The following SORCS1 variants were observed in gnomAD, a reference collection of about 807,000 sequenced individuals.
SORCS1 encodes VPS10 domain-containing receptor SorCS1.
A neutral mutation model predicts 146.1 loss-of-function variants in SORCS1; 60 were observed. The observed-to-expected ratio is 0.41, with a 90% CI of 0.33 to 0.51. SORCS1 has a LOEUF of 0.51. Among genes scored for constraint, SORCS1 ranks in the 20% least tolerant of loss-of-function variants. The pLI, the probability that SORCS1 is intolerant of heterozygous loss-of-function variation, is 0.21. For missense variants in SORCS1, 1,352 were observed against 1,487.6 expected (o/e 0.91, Z 1.50); for synonymous variants, 637 against 584.0 (o/e 1.09, Z -1.31).
intron 17 of SORCS1, among the ~76,000 whole-genome samples, chr10:106,666,650 G>C (rs1363787661): frequency 6.6e-6 from 1 of 150,996 alleles, no homozygotes; most frequent in Admixed American, 6.6e-5. Flanking sequence ...TCTGCCTCCT[G>C]GGTTCAAGTG....
chr10:106,967,498 A>T (rs1281020456), intron 1 of SORCS1, among the ~76,000 whole-genome samples: 1 of 152,198 alleles, frequency 6.6e-6, no homozygotes, highest in Non-Finnish European at 1.5e-5. Context: ...TCAAGACAAG[A>T]TCTTTCTACA....
intron 1 of SORCS1, among the ~76,000 whole-genome samples, chr10:107,000,126 C>T (rs1564909046): frequency 6.6e-6 from 1 of 152,138 alleles, no homozygotes; most frequent in Non-Finnish European, 1.5e-5. Flanking sequence ...ATTAAGTCCG[C>T]AGAATTAACA....
chr10:106,845,943 T>G (rs1353199264), intron 2 of SORCS1, among the ~76,000 whole-genome samples: 1 of 127,152 alleles, frequency 7.9e-6, no homozygotes, highest in Non-Finnish European at 1.8e-5. Context: ...TTGATCTATA[T>G]CTCTGTTTTG....
At position 107,102,802 on chromosome 10, in the gene SORCS1, T is replaced by C. The variant is rs547036331; in HGVS notation, c.558+61167A>G. Among the ~76,000 whole-genome samples, 4 of 152,306 alleles carry C rather than the reference T, an allele frequency of 2.6e-5. No homozygotes were observed. In the East Asian group the frequency reaches 7.7e-4, roughly 29 times the overall value. ...ATTTTAAAGAGTATATAGTATAACA[T>C]ATTATAAAATATAATGTAAAAATCT... On this transcript the variant is annotated intron_variant, in intron 1 of 25. Transcript: ENST00000263054.
At chr10:107,142,454 C>T (rs116048918) in intron 1 of SORCS1, among the ~76,000 whole-genome samples, 2,020 of 152,314 alleles carry the variant, frequency 0.013, 41 homozygotes, top group African/African-American at 0.046. Context: ...GTGAGAAAGG[C>T]ACTGTGTTAG....
intron 24 of SORCS1, among the ~76,000 whole-genome samples, chr10:106,592,416 G>A (rs955600594): frequency 1.3e-5 from 2 of 152,300 alleles, no homozygotes; most frequent in Middle Eastern, 6.8e-3. Context: ...AAAGCAAACA[G>A]GGAAGTGAAT....
chr10:107,064,269 G>T (rs920394148), intron 1 of SORCS1, among the ~76,000 whole-genome samples: 6 of 152,162 alleles, frequency 3.9e-5, no homozygotes, highest in African/African-American at 1.4e-4. Context: ...AGGGACATTA[G>T]AAATGATTTA....
intron 1 of SORCS1, among the ~76,000 whole-genome samples, chr10:106,984,618 C>A (rs1217756521): frequency 6.6e-6 from 1 of 151,776 alleles, no homozygotes; most frequent in Non-Finnish European, 1.5e-5. Flanking sequence ...TGGTCTTTAT[C>A]TCCTGACCTC....
intron 1 of SORCS1, among the ~76,000 whole-genome samples, chr10:107,103,604 G>A (rs1965099600): frequency 6.6e-6 from 1 of 152,208 alleles, no homozygotes; most frequent in African/African-American, 2.4e-5. Flanking sequence ...AATATGCTCA[G>A]TGGGAGAAAT....
Position 106,672,920 on chromosome 10 carries a change from A to G in SORCS1, c.2006T>C (p.Phe669Ser). The G allele has an allele frequency of 6.2e-7, 1 of 1,614,164 alleles. No individual in the cohort carries two copies. Among genetic ancestry groups the G allele is most frequent in the South Asian group, 1.1e-5 (1 of 91,084 alleles). Reference sequence around the variant, plus strand: ...GTCCTCTTCGGCACACCGTCTATCAAAAATGGACTTGTAATCTACTTTGAC... The same window carrying G: ...GTCCTCTTCGGCACACCGTCTATCAGAAATGGACTTGTAATCTACTTTGAC... ...QLVKVDYKSIFDRRCAEEDYR... is the reference protein window; with the variant it reads ...QLVKVDYKSISDRRCAEEDYR... Residue 669 changes from phenylalanine to serine, a missense_variant, in exon 15 of 26, where the codon TTT (phenylalanine) becomes TCT (serine). By Grantham distance (155) the Phe-to-Ser change is radical (BLOSUM62 -2). Around this residue, in one of 3 missense-constraint regions of SORCS1, gnomAD observed 648 missense variants for 793.8 expected, o/e 0.82. Transcript: ENST00000263054.
intron 5 of SORCS1, among the ~76,000 whole-genome samples, chr10:106,750,240 G>C (rs1174637553): frequency 6.6e-6 from 1 of 151,942 alleles, no homozygotes; most frequent in African/African-American, 2.4e-5. Flanking sequence ...GTGAAGTCTC[G>C]AGAAGTGACT....
chr10:106,780,076 T>C (rs546232079), intron 3 of SORCS1, among the ~76,000 whole-genome samples: 74 of 152,266 alleles, frequency 4.9e-4, no homozygotes, highest in South Asian at 3.3e-3. Flanking sequence ...AAAAATTTAA[T>C]GCGATCTAAA....
chr10:106,755,336 T>C (rs879392888), intron 5 of SORCS1, among the ~76,000 whole-genome samples: 39 of 152,368 alleles, frequency 2.6e-4, no homozygotes, highest in Middle Eastern at 3.4e-3. Flanking sequence ...TTACAAATTA[T>C]GTGTTATGTT....
chr10:107,016,049 A>C (rs969970408), intron 1 of SORCS1, among the ~76,000 whole-genome samples: 4 of 152,230 alleles, frequency 2.6e-5, no homozygotes, highest in African/African-American at 7.2e-5. Flanking sequence ...CAATTGGCCG[A>C]GCAGGTTTAA....
chr10:106,879,943 C>A (rs1950746987), intron 2 of SORCS1, among the ~76,000 whole-genome samples: 1 of 152,210 alleles, frequency 6.6e-6, no homozygotes, highest in Non-Finnish European at 1.5e-5. Context: ...GACTTCTGAT[C>A]TACAGAATTG....
chr10:107,088,332 AT>A (rs1013223403), intron 1 of SORCS1, among the ~76,000 whole-genome samples: 3 of 152,136 alleles, frequency 2.0e-5, no homozygotes, highest in Admixed American at 2.0e-4. Context: ...TAAGATAAAC[AT>A]TAGGGAGGCA....
intron 24 of SORCS1, among the ~76,000 whole-genome samples, chr10:106,590,570 T>C (rs1224065899): frequency 1.3e-5 from 2 of 152,202 alleles, no homozygotes; most frequent in African/African-American, 2.4e-5. Flanking sequence ...AGTAACTATA[T>C]GGATCAAATG....
intron 1 of SORCS1, among the ~76,000 whole-genome samples, chr10:107,151,796 T>C (rs549809510): frequency 6.6e-6 from 1 of 152,280 alleles, no homozygotes; most frequent in African/African-American, 2.4e-5. Context: ...GGGTATCTGG[T>C]GGAAGAAATT....
At chr10:106,722,179 TTA>T (rs969487173) in intron 6 of SORCS1, among the ~76,000 whole-genome samples, 45 of 144,182 alleles carry the variant, frequency 3.1e-4, no homozygotes, top group Non-Finnish European at 5.7e-4. Flanking sequence ...AGATAAGAGT[TTA>T]TATATATATA....
Sources: gnomAD v4.1 joint callset for allele counts (sites outside exome capture counted in the v4.1 genomes callset) on GRCh38, gnomAD v4.1.1 for gene constraint, gnomAD v4.1.1 regional missense constraint, MANE v1.5 for transcripts, NCBI Gene and HGNC (gene_info 2026-07-23, HGNC 2026-07-21) for gene names.